Variants in ADGRL3 observed in about 807,000 individuals in gnomAD.
ADGRL3 encodes calcium-independent alpha-latrotoxin receptor 3.
In ADGRL3, 62 loss-of-function variants were observed where a neutral mutation model predicts 153.5. The observed-to-expected ratio is 0.40, with a 90% CI of 0.33 to 0.50. The LOEUF is 0.50. Ranked by LOEUF, ADGRL3 falls within the 20% of genes least tolerant of loss-of-function variation. The pLI is 0.47. For missense variants in ADGRL3, 1,641 were observed against 1,859.4 expected, an observed-to-expected ratio of 0.88 and a Z score of 2.16; for synonymous variants, 710 against 672.5, an observed-to-expected ratio of 1.06 and a Z score of -0.86.
rs1167723976 is a variant in ADGRL3, at chr4:62,076,317, C to T, written c.*5409C>T. The stretch of plus-strand genomic sequence containing the variant: ...TCATTTGATAATTTGTGTCCCGTTA[C>T]AGTATTTCAAAGGTAAATGCAAACT... On this transcript the variant is annotated 3_prime_UTR_variant, in exon 27 of 27. Transcript: ENST00000683033. 6.6e-6 allele frequency: 1 copy of T among 151,998 alleles called. No individual in the cohort carries two copies. Among genetic ancestry groups the T allele is most frequent in the African/African-American group, 2.4e-5 (1 of 41,408 alleles). 9.4% of individuals were successfully genotyped at this position (151,998 alleles called of 1,614,324 possible).
At chr4:61,627,297 G>T (rs1166882304) in intron 5 of ADGRL3, among the ~76,000 whole-genome samples, 1 of 152,036 alleles carries the variant, frequency 6.6e-6, no homozygotes, top group African/African-American at 2.4e-5. Context: ...TTCCTTCAGA[G>T]TTGGCACAGT....
chr4:61,647,495 A>T (rs1423591237), intron 5 of ADGRL3, among the ~76,000 whole-genome samples: 1 of 152,150 alleles, frequency 6.6e-6, no homozygotes, highest in Non-Finnish European at 1.5e-5. Flanking sequence ...GCTGCATTGA[A>T]GTCTCATTGA....
chr4:61,494,010 A>G (rs2098284664), intron 2 of ADGRL3, among the ~76,000 whole-genome samples: 1 of 151,814 alleles, frequency 6.6e-6, no homozygotes, highest in Admixed American at 6.6e-5. Context: ...CACAATGTGT[A>G]GCATGTGATA....
intron 2 of ADGRL3, among the ~76,000 whole-genome samples, chr4:61,416,129 G>A (rs990580063): frequency 6.6e-6 from 1 of 151,808 alleles, no homozygotes; most frequent in Non-Finnish European, 1.5e-5. Flanking sequence ...ACCATGTGCT[G>A]ATATCTAGAT....
In ADGRL3 at chr4:62,017,638, TA is replaced by T. The variant is rs1452589993; in HGVS notation, c.3396-11216del. Among the ~76,000 whole-genome samples the T allele has an allele frequency of 3.9e-5, 6 of 152,292 alleles. No homozygotes were observed. In the East Asian group the frequency reaches 1.2e-3, roughly 29 times the overall value. On this transcript the variant is annotated intron_variant, in intron 21 of 26. Transcript: ENST00000683033. ...TGTATTGTTTGTACTCTGGTAAGGATATTTTTTTGTCCTGGTAAAGATAGTT... is the reference window on the plus strand; with the variant it reads ...TGTATTGTTTGTACTCTGGTAAGGATTTTTTTTGTCCTGGTAAAGATAGTT...
chr4:61,291,717 C>T (rs12505585), intron 1 of ADGRL3, among the ~76,000 whole-genome samples: 48,063 of 148,730 alleles, frequency 0.32, 8,303 homozygotes, highest in East Asian at 0.42. Flanking sequence ...ACAATAGTTT[C>T]TCATGAAAAG....
chr4:61,969,514 CT>C (rs894658248), intron 17 of ADGRL3, among the ~76,000 whole-genome samples: 7 of 150,424 alleles, frequency 4.7e-5, no homozygotes, highest in African/African-American at 4.9e-5. Context: ...GTTGTTTAGC[CT>C]TTTTTTTTCA....
At chr4:61,666,543 G>GGA (rs1553998425) in intron 5 of ADGRL3, among the ~76,000 whole-genome samples, 2 of 143,112 alleles carry the variant, frequency 1.4e-5, no homozygotes, top group African/African-American at 2.6e-5. Context: ...TGTCCCAGAT[G>GGA]AAAAAAAAAA....
intron 4 of ADGRL3, among the ~76,000 whole-genome samples, chr4:61,525,223 G>A (rs2098552471): frequency 6.6e-6 from 1 of 152,092 alleles, no homozygotes; most frequent in Admixed American, 6.6e-5. Flanking sequence ...TTTAGATAAG[G>A]TAGTATTTTA....
chr4:61,979,525 CA>C lies in ADGRL3; in HGVS notation c.2806-37del. The C allele has an allele frequency of 1.9e-6, 3 of 1,569,162 alleles. No individual in the cohort carries two copies. In the South Asian group the frequency reaches 3.3e-5, roughly 17 times the overall value. ...TTATAAAACTTTGTAATTGGTTATG[CA>C]TAAGCGCAACTTATGGCTTTTTCAT... On this transcript the variant is annotated intron_variant, in intron 17 of 26. Coordinates refer to ENST00000683033, the MANE Select transcript of ADGRL3 (RefSeq NM_001387552.1).
At chr4:61,303,618 GA>G (rs1304231575) in intron 1 of ADGRL3, among the ~76,000 whole-genome samples, 42 of 152,220 alleles carry the variant, frequency 2.8e-4, no homozygotes, top group African/African-American at 9.9e-4. Flanking sequence ...TTGTAATAAA[GA>G]ATAAGTGGTT....
At chr4:61,492,592 A>G (rs1018371740) in intron 2 of ADGRL3, among the ~76,000 whole-genome samples, 1 of 152,132 alleles carries the variant, frequency 6.6e-6, no homozygotes, top group Non-Finnish European at 1.5e-5. Flanking sequence ...AACTGGGGAA[A>G]CAATTATGAC....
intron 21 of ADGRL3, 29 bp downstream of exon 21, chr4:61,998,294 A>G (rs1240897189): frequency 8.1e-7 from 1 of 1,234,398 alleles, no homozygotes. Flanking sequence ...TGTTTTCTAT[A>G]GGTTGTGTTA....
rs1307782028 is a variant in ADGRL3, at chr4:62,070,668, C to G, written c.4392C>G (p.Ala1464=). 3 of 1,551,412 alleles carry G rather than the reference C, an allele frequency of 1.9e-6. No homozygotes were observed. In the Admixed American group the frequency reaches 5.9e-5, roughly 30 times the overall value. ...TSMPTLAGVA[A]TESVTTSTQT... ...TGCCGACACTGGCTGGTGTGGCCGC[C>G]ACAGAGAGTGTTACCACCAGCACCC... Residue 1464 remains alanine, a synonymous_variant, in exon 27 of 27, where the codon GCC becomes GCG. Transcript: ENST00000683033.
chr4:61,356,646 A>G (rs948786398), intron 1 of ADGRL3, among the ~76,000 whole-genome samples: 1 of 152,076 alleles, frequency 6.6e-6, no homozygotes, highest in Non-Finnish European at 1.5e-5. Context: ...AGCTTCTTGA[A>G]TTTTTGCTTC....
intron 5 of ADGRL3, among the ~76,000 whole-genome samples, chr4:61,600,047 C>T (rs905380399): frequency 1.3e-5 from 2 of 152,036 alleles, no homozygotes; most frequent in Non-Finnish European, 2.9e-5. Flanking sequence ...TGGTGGCTCA[C>T]GCCTGTAATG....
intron 17 of ADGRL3, among the ~76,000 whole-genome samples, chr4:61,978,879 G>T (rs1236646665): frequency 6.6e-6 from 1 of 151,820 alleles, no homozygotes; most frequent in Non-Finnish European, 1.5e-5. Context: ...CTCTATTCAT[G>T]CAAAACCTTT....
intron 2 of ADGRL3, among the ~76,000 whole-genome samples, chr4:61,434,313 A>G (rs1428158203): frequency 1.3e-5 from 2 of 152,104 alleles, no homozygotes; most frequent in Non-Finnish European, 2.9e-5. Flanking sequence ...ATTGACACAG[A>G]TATTATTGAG....
intron 6 of ADGRL3, among the ~76,000 whole-genome samples, chr4:61,684,594 T>A (rs1294443502): frequency 6.6e-6 from 1 of 152,044 alleles, no homozygotes; most frequent in Admixed American, 6.6e-5. Flanking sequence ...TGCAGGGTAG[T>A]GGTCGTGGGC....
Sources: allele counts gnomAD v4.1 joint callset (sites outside exome capture counted in the v4.1 genomes callset), GRCh38; gene constraint gnomAD v4.1.1; transcripts MANE v1.5; gene names NCBI Gene and HGNC (gene_info 2026-07-23, HGNC 2026-07-21).